Variants in ITGA8 observed in about 807,000 individuals in gnomAD.
ITGA8 encodes integrin subunit alpha 8.
ITGA8 carries 91 observed loss-of-function variants against 142.3 expected under a neutral mutation model. That is an observed-to-expected ratio of 0.64 (90% CI 0.54 to 0.76). The LOEUF (loss-of-function observed/expected upper bound fraction) is 0.76. Among genes scored for constraint, ITGA8 ranks in the 30% least tolerant of loss-of-function variants. The pLI, the probability that ITGA8 is intolerant of heterozygous loss-of-function variation, is 0.00. For missense variants in ITGA8, 1,406 were observed against 1,327.7 expected (o/e 1.06, Z -0.92); for synonymous variants, 505 against 485.2 (o/e 1.04, Z -0.54).
At chr10:15,617,340 G>C (rs1833412259) in intron 13 of ITGA8, among the ~76,000 whole-genome samples, 1 of 151,952 alleles carries the variant, frequency 6.6e-6, no homozygotes, top group Admixed American at 6.6e-5. Context: ...CCTGGACTAG[G>C]TAAGGGGGAA....
At chr10:15,572,550 A>T (rs895683048) in intron 24 of ITGA8, among the ~76,000 whole-genome samples, 181 bp from the exon 25 acceptor site, 12 of 152,222 alleles carry the variant, frequency 7.9e-5, no homozygotes, top group African/African-American at 2.2e-4. Context: ...TGAAAGCATC[A>T]TGGGCTGGTG....
chr10:15,697,044 A>AAAACACACACACACACACAC (rs1835065690), intron 2 of ITGA8, among the ~76,000 whole-genome samples: 1 of 12,934 alleles, frequency 7.7e-5, no homozygotes, highest in Admixed American at 1.6e-3. Context: ...TCTTGTCTCT[A>AAAACACACACACACACACAC]AAACACACAC....
chr10:15,526,624 T>C (rs2131537103), intron 28 of ITGA8, among the ~76,000 whole-genome samples: 1 of 152,366 alleles, frequency 6.6e-6, no homozygotes, highest in African/African-American at 2.4e-5. Flanking sequence ...ACTGGAGTAC[T>C]TAAATTTAGG....
chr10:15,712,407 C>A (rs1002271197), intron 2 of ITGA8, among the ~76,000 whole-genome samples: 51 of 152,124 alleles, frequency 3.4e-4, no homozygotes, highest in Non-Finnish European at 6.3e-4. Context: ...TATGGTGAAA[C>A]CCTGTCTCTA....
At chr10:15,577,803 C>T (rs1240578350) in intron 23 of ITGA8, among the ~76,000 whole-genome samples, 4 of 152,220 alleles carry the variant, frequency 2.6e-5, no homozygotes, top group Non-Finnish European at 4.4e-5. Context: ...GGTCATCTTA[C>T]GACCCTCACT....
intron 13 of ITGA8, among the ~76,000 whole-genome samples, chr10:15,636,459 C>G (rs1434157147): frequency 6.6e-6 from 1 of 152,136 alleles, no homozygotes; most frequent in African/African-American, 2.4e-5. Context: ...TTGTAAAAAG[C>G]CTAAAAACGT....
rs993427890 is a variant in ITGA8, at chr10:15,605,636, G to A, written c.1970+88C>T. 9 of 1,051,262 alleles carry A rather than the reference G, an allele frequency of 8.6e-6. No individual in the cohort carries two copies. In the African/African-American group the frequency reaches 1.1e-4, roughly 13 times the overall value. The allele number at this position is 1,051,262 out of a possible 1,614,324, so 65.1% of individuals were successfully genotyped here. On this transcript the variant is annotated intron_variant, in intron 19 of 29. Transcript: ENST00000378076. ...CGCAGCATAGTTTTTGGTAGTTATT[G>A]GAAGTGTATACTTTCTCCAGAGAAC...
intron 8 of ITGA8, among the ~76,000 whole-genome samples, chr10:15,668,620 G>T (rs1475696094): frequency 5.3e-5 from 8 of 152,134 alleles, no homozygotes; most frequent in African/African-American, 1.7e-4. Flanking sequence ...AGCCTGGATG[G>T]TCTTTACAAT....
In ITGA8 at chr10:15,643,963, A is replaced by G. The variant is rs565103375; in HGVS notation, c.1399+67T>C. 3.9e-5 allele frequency: 57 copies of G among 1,447,404 alleles called. No individual in the cohort carries two copies. The African/African-American group carries it at 4.8e-4, about 12-fold the overall frequency. The allele number at this position is 1,447,404 out of a possible 1,614,324, so 89.7% of individuals were successfully genotyped here. A position where few individuals can be genotyped will look rare whatever the true frequency, so the allele number is the denominator to read the frequency against. ...GAAGAAAACTGCCTTTGCATGATGC[A>G]TTTTTCAGAAAATGGACTCTATTTC... is the stretch of plus-strand genomic sequence containing the variant. On this transcript the variant is annotated intron_variant, in intron 13 of 29. Transcript: ENST00000378076.
intron 14 of ITGA8, among the ~76,000 whole-genome samples, chr10:15,614,435 A>G (rs1833357686): frequency 6.6e-6 from 1 of 152,202 alleles, no homozygotes; most frequent in East Asian, 1.9e-4. Context: ...ACCAGAACTT[A>G]TGGGGTAAGG....
intron 2 of ITGA8, among the ~76,000 whole-genome samples, chr10:15,698,931 C>T (rs1835107148): frequency 6.6e-6 from 1 of 152,154 alleles, no homozygotes; most frequent in Non-Finnish European, 1.5e-5. Context: ...TCCCAGATAT[C>T]TATCTTTGTT....
chr10:15,664,628 T>C (rs1834351530), intron 8 of ITGA8, among the ~76,000 whole-genome samples: 1 of 151,714 alleles, frequency 6.6e-6, no homozygotes, highest in African/African-American at 2.4e-5. Flanking sequence ...AACTCGTCAT[T>C]TAGCATTAGG....
intron 21 of ITGA8, among the ~76,000 whole-genome samples, chr10:15,595,558 T>C (rs189723876): frequency 2.8e-4 from 42 of 152,322 alleles, no homozygotes; most frequent in Middle Eastern, 3.4e-3. Flanking sequence ...ATAAACACAT[T>C]TGTGATTAAG....
intron 26 of ITGA8, among the ~76,000 whole-genome samples, chr10:15,550,981 T>G (rs1164310928): frequency 6.6e-6 from 1 of 151,552 alleles, no homozygotes; most frequent in African/African-American, 2.4e-5. Context: ...GTTTAGGAAA[T>G]AGAATAGAGA....
At chr10:15,563,421 T>C in intron 25 of ITGA8, among the ~76,000 whole-genome samples, 1 of 150,808 alleles carries the variant, frequency 6.6e-6, no homozygotes, top group African/African-American at 2.5e-5. Context: ...TGGGTGTACA[T>C]GTAGATTTTG....
chr10:15,584,121 ACC>A (rs1017624577), intron 23 of ITGA8, among the ~76,000 whole-genome samples: 3 of 152,108 alleles, frequency 2.0e-5, no homozygotes, highest in Non-Finnish European at 4.4e-5. Context: ...ACATGGTGAA[ACC>A]CCTTCTCTAT....
intron 2 of ITGA8, among the ~76,000 whole-genome samples, chr10:15,698,907 T>C (rs560133854): frequency 1.3e-5 from 2 of 152,210 alleles, no homozygotes; most frequent in Non-Finnish European, 1.5e-5. Flanking sequence ...CAGAGTCTTT[T>C]CAGTTTAATT....
At chr10:15,638,711 T>TGTTTTCTC (rs1329579385) in intron 13 of ITGA8, among the ~76,000 whole-genome samples, 1 of 152,220 alleles carries the variant, frequency 6.6e-6, no homozygotes, top group African/African-American at 2.4e-5. Flanking sequence ...TTTTTGCATT[T>TGTTTTCTC]GTTTTCTCAT....
intron 2 of ITGA8, among the ~76,000 whole-genome samples, chr10:15,718,139 G>A (rs1253637450): frequency 6.6e-6 from 1 of 152,152 alleles, no homozygotes; most frequent in African/African-American, 2.4e-5. Flanking sequence ...CAGAGGAAAC[G>A]TAACCAGACT....
Sources: allele counts gnomAD v4.1 joint callset (sites outside exome capture counted in the v4.1 genomes callset), GRCh38; gene constraint gnomAD v4.1.1; transcripts MANE v1.5; gene names NCBI Gene and HGNC (gene_info 2026-07-23, HGNC 2026-07-21).